CMSS1: variants seen among roughly 807,000 people sequenced by gnomAD.
The protein encoded by CMSS1 is cms1 ribosomal small subunit homolog.
CMSS1 carries 33 observed loss-of-function variants against 43.5 expected under a neutral mutation model. That is an observed-to-expected ratio of 0.76 (90% confidence interval 0.57 to 1.01). The LOEUF (loss-of-function observed/expected upper bound fraction) is 1.01, where lower values mean the gene tolerates loss of function less well. Ranked by LOEUF, CMSS1 falls within the 50% of genes least tolerant of loss-of-function variation. The pLI is 0.00. For missense variants in CMSS1, 313 were observed against 326.4 expected (o/e 0.96, Z 0.32); for synonymous variants, 115 against 117.2 (o/e 0.98, Z 0.12).
At chr3:100,023,955 C>T (rs1022087835) in intron 1 of CMSS1, among the ~76,000 whole-genome samples, 1 of 152,134 alleles carries the variant, frequency 6.6e-6, no homozygotes, top group African/African-American at 2.4e-5. Context: ...ATCTTTACTT[C>T]CTGGGAACTT....
intron 1 of CMSS1, among the ~76,000 whole-genome samples, chr3:99,930,289 A>G (rs569274369): frequency 6.6e-6 from 1 of 152,342 alleles, no homozygotes; most frequent in Non-Finnish European, 1.5e-5. Flanking sequence ...ACAAGCAGAT[A>G]TCATGATATC....
intron 1 of CMSS1, among the ~76,000 whole-genome samples, chr3:99,910,787 G>T (rs866006548): frequency 1.2e-5 from 1 of 83,570 alleles, no homozygotes; most frequent in Non-Finnish European, 3.2e-5. Flanking sequence ...GAATATTTAT[G>T]CCCATTTTAT....
chr3:100,058,689 G>A (rs1381005351), intron 1 of CMSS1, among the ~76,000 whole-genome samples: 4 of 152,082 alleles, frequency 2.6e-5, no homozygotes, highest in Non-Finnish European at 1.5e-5. Context: ...AAACCCAGAA[G>A]CATCAACAGA....
intron 1 of CMSS1, among the ~76,000 whole-genome samples, chr3:100,107,838 A>G (rs1576070903): frequency 6.6e-6 from 1 of 151,612 alleles, no homozygotes; most frequent in Admixed American, 6.6e-5. Context: ...AATCTTCATT[A>G]CATGATTTAT....
At chr3:99,849,845 A>C (rs553705584) in intron 1 of CMSS1, 2 of 1,610,402 alleles carry the variant, frequency 1.2e-6, no homozygotes, top group South Asian at 2.2e-5. Context: ...GATTTCCCAG[A>C]GTCTTGATTT....
At chr3:99,917,699 G>C (rs1030239981) in intron 1 of CMSS1, among the ~76,000 whole-genome samples, 2 of 152,182 alleles carry the variant, frequency 1.3e-5, no homozygotes, top group African/African-American at 4.8e-5. Context: ...GGACTTGGAT[G>C]TGCAAAGGTG....
At chr3:99,928,755 G>A (rs1707377713) in intron 1 of CMSS1, among the ~76,000 whole-genome samples, 2 of 152,174 alleles carry the variant, frequency 1.3e-5, no homozygotes, top group South Asian at 4.1e-4. Flanking sequence ...GGGAATTTGT[G>A]CCTGACACTG....
intron 1 of CMSS1, among the ~76,000 whole-genome samples, chr3:100,077,852 A>T (rs2065874113): frequency 6.6e-6 from 1 of 152,170 alleles, no homozygotes; most frequent in East Asian, 1.9e-4. Flanking sequence ...AGGCTATAGT[A>T]AGCTGTGTTC....
intron 1 of CMSS1, among the ~76,000 whole-genome samples, chr3:100,097,033 G>A (rs1036260957): frequency 5.3e-5 from 8 of 152,258 alleles, no homozygotes; most frequent in African/African-American, 1.9e-4. Context: ...TAGGAACCAG[G>A]CCACAAAGCA....
chr3:100,166,310 C>T, intron 4 of CMSS1, 25 bp from the exon 5 acceptor site: 2 of 1,510,864 alleles, frequency 1.3e-6, no homozygotes, highest in Non-Finnish European at 1.8e-6. Context: ...AAATTATCTA[C>T]AAAGCATGTT....
At chr3:100,019,982 T>G (rs942473231) in intron 1 of CMSS1, among the ~76,000 whole-genome samples, 1 of 152,180 alleles carries the variant, frequency 6.6e-6, no homozygotes, top group African/African-American at 2.4e-5. Flanking sequence ...CTGTGTGTAT[T>G]ATGTGCAATT....
chr3:99,826,162 A>G (rs1045066866), intron 1 of CMSS1, among the ~76,000 whole-genome samples: 1 of 152,164 alleles, frequency 6.6e-6, no homozygotes, highest in African/African-American at 2.4e-5. Context: ...ATTTTACTAA[A>G]TATATCACAG....
intron 1 of CMSS1, among the ~76,000 whole-genome samples, chr3:99,988,217 G>T (rs1256179396): frequency 1.3e-5 from 2 of 151,378 alleles, no homozygotes; most frequent in African/African-American, 2.4e-5. Flanking sequence ...CTGAAATTTG[G>T]CCGGGCGCAG....
chr3:99,891,452 A>C (rs1306004040), intron 1 of CMSS1, among the ~76,000 whole-genome samples: 1 of 152,108 alleles, frequency 6.6e-6, no homozygotes, highest in East Asian at 1.9e-4. Context: ...CTAGGTTTTC[A>C]CTTTTATTCA....
At chr3:99,904,712 A>C (rs1293948940) in intron 1 of CMSS1, among the ~76,000 whole-genome samples, 3 of 151,560 alleles carry the variant, frequency 2.0e-5, no homozygotes, top group African/African-American at 7.3e-5. Flanking sequence ...TGTAGCAACT[A>C]CCTCCTTCTT....
rs529790147 is a variant in CMSS1, at chr3:100,161,267, C to A, written c.225+766C>A. Among the ~76,000 whole-genome samples the A allele has an allele frequency of 2.6e-5, 4 of 152,292 alleles. No individual in the cohort carries two copies. In the South Asian group the frequency reaches 8.3e-4, roughly 32 times the overall value. Reference sequence around the variant, plus strand: ...CTGAGAGTGTGTGTGCATATGTTTTCTTTTCTTACAAATGGCCAAATAGGA... The same window carrying A: ...CTGAGAGTGTGTGTGCATATGTTTTATTTTCTTACAAATGGCCAAATAGGA... On this transcript the variant is annotated intron_variant, in intron 3 of 9. Coordinates refer to ENST00000421999, the MANE Select transcript of CMSS1 (RefSeq NM_032359.4).
intron 1 of CMSS1, among the ~76,000 whole-genome samples, chr3:99,873,776 T>C (rs146945969): frequency 6.6e-6 from 1 of 152,312 alleles, no homozygotes; most frequent in East Asian, 1.9e-4. Flanking sequence ...AAGGCTTGAT[T>C]TGTGTTTTCA....
At chr3:99,840,724 G>A (rs1371271784) in intron 1 of CMSS1, among the ~76,000 whole-genome samples, 1 of 152,220 alleles carries the variant, frequency 6.6e-6, no homozygotes, top group Non-Finnish European at 1.5e-5. Context: ...TTGGAAGTTA[G>A]AACCAGATGT....
chr3:100,157,538 T>C (rs1038911934), intron 2 of CMSS1, among the ~76,000 whole-genome samples: 4 of 152,216 alleles, frequency 2.6e-5, no homozygotes, highest in African/African-American at 4.8e-5. Flanking sequence ...AGCTGGATTT[T>C]TTACTATGGA....
Sources: allele counts gnomAD v4.1 joint callset (sites outside exome capture counted in the v4.1 genomes callset), GRCh38; gene constraint gnomAD v4.1.1; transcripts MANE v1.5; gene names NCBI Gene and HGNC (gene_info 2026-07-23, HGNC 2026-07-21).